CTNNA2: variants seen among roughly 807,000 people sequenced by gnomAD.
CTNNA2 encodes the protein catenin alpha-2.
Under a neutral mutation model 101.0 loss-of-function variants are expected in CTNNA2, and 42 were observed. That is an observed-to-expected ratio of 0.42 (90% CI 0.32 to 0.54). CTNNA2 has a LOEUF of 0.54. Among genes scored for constraint, CTNNA2 ranks in the 20% least tolerant of loss-of-function variants. CTNNA2 has a pLI of 0.14. For missense variants in CTNNA2, 871 were observed against 1,223.1 expected (o/e 0.71, Z 4.29); for synonymous variants, 450 against 456.4 (o/e 0.99, Z 0.18).
chr2:80,203,938 C>T (rs1707367565), intron 7 of CTNNA2, among the ~76,000 whole-genome samples: 1 of 152,198 alleles, frequency 6.6e-6, no homozygotes, highest in Non-Finnish European at 1.5e-5. Context: ...CTTCTGTGCA[C>T]CTGCAGGCTC....
chr2:79,284,622 G>C (rs1432494989), intron 2 of CTNNA2, among the ~76,000 whole-genome samples: 7 of 149,178 alleles, frequency 4.7e-5, no homozygotes, highest in African/African-American at 1.2e-4. Flanking sequence ...ACTTGATCAT[G>C]GTGGATAAGC....
At chr2:79,544,244 G>A (rs1487823460) in intron 1 of CTNNA2, among the ~76,000 whole-genome samples, 1 of 152,092 alleles carries the variant, frequency 6.6e-6, no homozygotes. Context: ...AGCTGGTTTG[G>A]GAAATTTTTG....
intron 7 of CTNNA2, among the ~76,000 whole-genome samples, chr2:80,084,512 T>C (rs1428009746): frequency 2.6e-5 from 4 of 152,092 alleles, no homozygotes; most frequent in Non-Finnish European, 5.9e-5. Flanking sequence ...CTCTTCTAAG[T>C]CCGGGAACAC....
At chr2:79,670,476 G>T (rs1464296186) in intron 2 of CTNNA2, among the ~76,000 whole-genome samples, 1 of 152,198 alleles carries the variant, frequency 6.6e-6, no homozygotes, top group Non-Finnish European at 1.5e-5. Context: ...ACTCCATGGA[G>T]TGTGCAGACC....
intron 2 of CTNNA2, among the ~76,000 whole-genome samples, chr2:79,220,561 A>G (rs1196090264): frequency 1.3e-5 from 2 of 152,072 alleles, no homozygotes; most frequent in Non-Finnish European, 2.9e-5. Flanking sequence ...GAGAAGGGCC[A>G]GATGGAGGAG....
chr2:80,244,916 C>CA (rs1478035797), intron 7 of CTNNA2, among the ~76,000 whole-genome samples: 1 of 152,128 alleles, frequency 6.6e-6, no homozygotes, highest in Non-Finnish European at 1.5e-5. Context: ...AGCAGACCTA[C>CA]AAGCGAGAGC....
chr2:79,248,131 A>G (rs1225619246), intron 2 of CTNNA2, among the ~76,000 whole-genome samples: 1 of 152,182 alleles, frequency 6.6e-6, no homozygotes, highest in Non-Finnish European at 1.5e-5. Context: ...AATCTGTCTC[A>G]GAAATACTGT....
At chr2:79,922,605 C>T (rs1686743869) in intron 7 of CTNNA2, among the ~76,000 whole-genome samples, 1 of 151,416 alleles carries the variant, frequency 6.6e-6, no homozygotes, top group Non-Finnish European at 1.5e-5. Flanking sequence ...TTATTTTCAA[C>T]CACTTGTAAA....
chr2:80,139,534 C>T (rs1702882415), intron 7 of CTNNA2, among the ~76,000 whole-genome samples: 1 of 152,064 alleles, frequency 6.6e-6, no homozygotes, highest in Non-Finnish European at 1.5e-5. Context: ...GTTTTCACCC[C>T]CTCTTATGTA....
intron 2 of CTNNA2, among the ~76,000 whole-genome samples, chr2:79,267,955 G>A (rs980888496): frequency 1.3e-5 from 2 of 152,068 alleles, no homozygotes; most frequent in African/African-American, 4.8e-5. Context: ...GGTTCATAGA[G>A]GTGAGCAAGG....
At chr2:80,623,029 G>T (rs1441905314) in intron 18 of CTNNA2, among the ~76,000 whole-genome samples, 1 of 134,644 alleles carries the variant, frequency 7.4e-6, no homozygotes, top group Non-Finnish European at 1.6e-5. Flanking sequence ...AACAAAGCAA[G>T]ACTACTAGCG....
intron 3 of CTNNA2, among the ~76,000 whole-genome samples, chr2:79,835,666 G>GTTTTTTTTTTTTTTTTTTT (rs70940048): frequency 1.7e-5 from 1 of 58,634 alleles, no homozygotes; most frequent in Non-Finnish European, 3.0e-5. Flanking sequence ...GCCTCTCTTT[G>GTTTTTTTTTTTTTTTTTTT]TTTTTTTTTT....
chr2:79,541,806 T>A (rs1436711763), intron 1 of CTNNA2, among the ~76,000 whole-genome samples: 1 of 151,986 alleles, frequency 6.6e-6, no homozygotes, highest in African/African-American at 2.4e-5. Context: ...TTTGTATTTG[T>A]AGTAGAGACG....
chr2:80,558,458 G>A (rs1975214), intron 12 of CTNNA2, among the ~76,000 whole-genome samples: 17,544 of 53,458 alleles, frequency 0.33, 2,364 homozygotes, highest in African/African-American at 0.46. Flanking sequence ...GTGTGTGTGT[G>A]TATATATGTG....
At chr2:80,301,001 G>T (rs1676252124) in intron 7 of CTNNA2, among the ~76,000 whole-genome samples, 1 of 151,112 alleles carries the variant, frequency 6.6e-6, no homozygotes, top group African/African-American at 2.4e-5. Context: ...TCTGAGAAGA[G>T]GCAGCTTTTC....
At chr2:80,557,621 A>G (rs921186984) in intron 12 of CTNNA2, among the ~76,000 whole-genome samples, 2 of 152,214 alleles carry the variant, frequency 1.3e-5, no homozygotes, top group Non-Finnish European at 2.9e-5. Context: ...TGAAAGATAC[A>G]GAGCATATTG....
intron 6 of CTNNA2, among the ~76,000 whole-genome samples, chr2:79,891,954 T>A (rs1174482970): frequency 6.6e-6 from 1 of 152,148 alleles, no homozygotes; most frequent in Non-Finnish European, 1.5e-5. Context: ...GCATAGTATT[T>A]GCGAAAAATT....
chr2:80,632,277 A>AACACAC (rs141371762), intron 18 of CTNNA2, among the ~76,000 whole-genome samples: 10 of 147,692 alleles, frequency 6.8e-5, no homozygotes, highest in Non-Finnish European at 1.3e-4. Context: ...CCCCCACCCC[A>AACACAC]ACACACACAC....
chr2:79,870,203 C>G (rs1682475316), intron 5 of CTNNA2, among the ~76,000 whole-genome samples: 1 of 152,182 alleles, frequency 6.6e-6, no homozygotes, highest in Non-Finnish European at 1.5e-5. Context: ...CTCTGATCTT[C>G]TATCCACTGT....
Sources: allele counts gnomAD v4.1 joint callset (sites outside exome capture counted in the v4.1 genomes callset), GRCh38; gene constraint gnomAD v4.1.1; transcripts MANE v1.5; gene names NCBI Gene and HGNC (gene_info 2026-07-23, HGNC 2026-07-21).